The following JAK1 variants were observed in gnomAD, a reference collection of about 807,000 sequenced individuals.
JAK1 encodes tyrosine-protein kinase JAK1.
In JAK1, 16 loss-of-function variants were observed where a neutral mutation model predicts 136.6. The ratio of observed to expected loss-of-function variants is 0.12; its 90% CI spans 0.08 to 0.18. The LOEUF (loss-of-function observed/expected upper bound fraction) is 0.18. Ranked by LOEUF, JAK1 falls within the 10% of genes least tolerant of loss-of-function variation. The probability of loss-of-function intolerance (pLI) is 1.00; values close to 1 mark genes in which losing one functional copy is unlikely to be tolerated. For synonymous variants in JAK1, 492 were observed against 519.5 expected (o/e 0.95, Z 0.72); for missense variants, 859 against 1,450.1 (o/e 0.59, Z 6.62).
At chr1:65,058,326 G>A (rs552455782) in intron 1 of JAK1, 8 of 512,478 alleles carry the variant, frequency 1.6e-5, no homozygotes, top group South Asian at 1.2e-4. Context: ...GTATGACAGA[G>A]GTGCAGGGTA....
chr1:64,886,783 CACACACACAG>C (rs370872598), intron 1 of JAK1, among the ~76,000 whole-genome samples: 9,566 of 129,436 alleles, frequency 0.074, 651 homozygotes, highest in East Asian at 0.26. Flanking sequence ...CACACACACA[CACACACACAG>C]AGCTTTGTAT....
intron 1 of JAK1, among the ~76,000 whole-genome samples, chr1:64,954,404 G>A (rs536590712): frequency 2.5e-4 from 38 of 152,190 alleles, no homozygotes; most frequent in Admixed American, 1.8e-3. Context: ...TCCTCCCCAC[G>A]TGGGATGATG....
intron 11 of JAK1, 47 bp downstream of exon 11, chr1:64,855,462 C>T (rs753217658): frequency 3.2e-6 from 5 of 1,580,782 alleles, no homozygotes; most frequent in Admixed American, 3.4e-5. Context: ...TGGGTCTCAG[C>T]ACATTACTGA....
chr1:64,850,298 G>A (rs920497182), intron 12 of JAK1, among the ~76,000 whole-genome samples: 1 of 152,212 alleles, frequency 6.6e-6, no homozygotes, highest in African/African-American at 2.4e-5. Context: ...TGGGCAAAAA[G>A]GCCTCCAAAG....
At chr1:65,059,217 A>G (rs1647684888) in intron 1 of JAK1, among the ~76,000 whole-genome samples, 1 of 152,006 alleles carries the variant, frequency 6.6e-6, no homozygotes, top group South Asian at 2.1e-4. Context: ...CCATGTCCAG[A>G]ACCATGTCAA....
At chr1:65,060,202 G>A (rs969402459) in intron 1 of JAK1, among the ~76,000 whole-genome samples, 4 of 151,870 alleles carry the variant, frequency 2.6e-5, no homozygotes, top group African/African-American at 9.7e-5. Context: ...ATTTTTACCC[G>A]AATTATAAAC....
At chr1:64,930,735 C>A (rs1645675723) in intron 1 of JAK1, among the ~76,000 whole-genome samples, 1 of 152,166 alleles carries the variant, frequency 6.6e-6, no homozygotes, top group Admixed American at 6.5e-5. Context: ...ATAGCAAATA[C>A]TTGGATCCAA....
chr1:64,969,200 G>A (rs1434347925), upstream of JAK1, among the ~76,000 whole-genome samples: 1 of 151,680 alleles, frequency 6.6e-6, no homozygotes, highest in Admixed American at 6.6e-5. Context: ...TAAAATAGTG[G>A]GTTTTTTTTT....
intron 6 of JAK1, 77 bp downstream of exon 6, chr1:64,869,234 T>C: frequency 1.4e-6 from 2 of 1,397,394 alleles, no homozygotes; most frequent in Non-Finnish European, 2.0e-6. Context: ...CTGGCAGTAA[T>C]TAAGCTGAAA....
chr1:64,930,922 C>A (rs1390304607), intron 1 of JAK1, among the ~76,000 whole-genome samples: 1 of 151,956 alleles, frequency 6.6e-6, no homozygotes, highest in Non-Finnish European at 1.5e-5. Context: ...ACCACATGTT[C>A]TCACTCATAA....
At chr1:65,003,845 A>G (rs1646782553) in intron 2 of JAK1, 1 of 152,262 alleles carries the variant, frequency 6.6e-6, no homozygotes, top group South Asian at 2.1e-4. Flanking sequence ...GCAATCCCCA[A>G]ATGCAATCCA....
chr1:64,966,144 G>C lies in JAK1; in HGVS notation c.-78+189C>G, dbSNP rs192421468. Among the ~76,000 whole-genome samples the C allele has an allele frequency of 8.1e-3, 1,226 of 151,930 alleles. 9 individuals are homozygous for C. The highest frequency in any genetic ancestry group is 0.027 in the African/African-American group (1,138 of 41,488). On this transcript the variant is annotated intron_variant, in intron 1 of 24. Transcript: ENST00000342505. ...CCTCCTCGCCGCCCGCCGGCTCCGC[G>C]GGGCTGGAAATCCCCGCCTTCCCCG...
chr1:64,846,624 C>T (rs747765072), intron 14 of JAK1, 25 bp downstream of exon 14: 1 of 1,590,046 alleles, frequency 6.3e-7, no homozygotes, highest in Non-Finnish European at 8.6e-7. Context: ...AGGCCACCCA[C>T]CCCTTTGAAA....
chr1:64,836,669 G>A (rs758893716), intron 22 of JAK1, among the ~76,000 whole-genome samples: 2 of 151,916 alleles, frequency 1.3e-5, no homozygotes, highest in Non-Finnish European at 2.9e-5. Flanking sequence ...GCATTCCACC[G>A]CACCCAATCT....
chr1:64,867,724 C>T (rs577179158), intron 6 of JAK1, among the ~76,000 whole-genome samples: 2 of 152,184 alleles, frequency 1.3e-5, no homozygotes, highest in Non-Finnish European at 2.9e-5. Flanking sequence ...GGGGCGGTGG[C>T]TCACGCCTGT....
Position 64,903,173 on chromosome 1 carries a change from T to C in JAK1, c.-77-16832A>G, listed in dbSNP as rs144342434. On this transcript the variant is annotated intron_variant, in intron 1 of 24. Transcript: ENST00000342505. The stretch of plus-strand genomic sequence containing the variant: ...TTCCGAGTAGCTGGGATTACAGGCA[T>C]GCACCACCACGCCTGGTTAATTTTT... Among the ~76,000 whole-genome samples, 141 of 152,286 alleles carry C rather than the reference T, an allele frequency of 9.3e-4. 1 individual carries two copies. In the East Asian group the frequency reaches 0.021, roughly 23 times the overall value.
intron 1 of JAK1, among the ~76,000 whole-genome samples, chr1:65,060,156 G>A (rs1274508955): frequency 1.3e-5 from 2 of 152,020 alleles, no homozygotes; most frequent in African/African-American, 4.8e-5. Flanking sequence ...ATCACAGTTG[G>A]ATCCCATAAC....
intron 1 of JAK1, among the ~76,000 whole-genome samples, chr1:64,895,197 A>G (rs1195443007): frequency 1.3e-5 from 2 of 152,216 alleles, no homozygotes; most frequent in African/African-American, 4.8e-5. Context: ...TTTTTTGACC[A>G]TGATCCACCG....
chr1:64,898,209 T>G (rs1645053389), intron 1 of JAK1, among the ~76,000 whole-genome samples: 1 of 152,222 alleles, frequency 6.6e-6, no homozygotes, highest in South Asian at 2.1e-4. Flanking sequence ...GGACATCCAC[T>G]AATAGCACTG....
Sources: gnomAD v4.1 joint callset for allele counts (sites outside exome capture counted in the v4.1 genomes callset) on GRCh38, gnomAD v4.1.1 for gene constraint, MANE v1.5 for transcripts, NCBI Gene and HGNC (gene_info 2026-07-23, HGNC 2026-07-21) for gene names.